The following DPP10 variants were observed in gnomAD, a reference collection of about 807,000 sequenced individuals.
The protein encoded by DPP10 is dipeptidyl peptidase like 10.
A neutral mutation model predicts 120.9 loss-of-function variants in DPP10; 33 were observed. The ratio of observed to expected loss-of-function variants is 0.27; its 90% confidence interval spans 0.21 to 0.37. DPP10 has a LOEUF of 0.37. Among genes scored for constraint, DPP10 ranks in the 10% least tolerant of loss-of-function variants. DPP10 has a pLI of 1.00. For missense variants in DPP10, 816 were observed against 942.8 expected, an observed-to-expected ratio of 0.87 and a Z score of 1.76; for synonymous variants, 337 against 326.1, an observed-to-expected ratio of 1.03 and a Z score of -0.36.
rs541521716 is a variant in DPP10 at position 115,647,207 on chromosome 2, G to A, written c.442-42480G>A. ...GTGACACAATCAAAGGAAGAAGACC[G>A]GCTCCCTTTGGGTTTAACCGCTTTA... On this transcript the variant is annotated intron_variant, in intron 5 of 25. Transcript: ENST00000410059. 3.6e-4 allele frequency among the ~76,000 whole-genome samples: 55 copies of A among 152,182 alleles called. No individual in the cohort carries two copies. The South Asian group carries it at 8.3e-3, about 23-fold the overall frequency.
chr2:114,513,277 CT>C (rs1684303349), intron 1 of DPP10, among the ~76,000 whole-genome samples: 1 of 152,090 alleles, frequency 6.6e-6, no homozygotes, highest in African/African-American at 2.4e-5. Flanking sequence ...AATCCCAGCA[CT>C]TTGGGAGGCC....
At chr2:115,279,531 T>TA (rs1345359489) in intron 1 of DPP10, among the ~76,000 whole-genome samples, 4 of 151,872 alleles carry the variant, frequency 2.6e-5, no homozygotes, top group South Asian at 2.1e-4. Context: ...TTTTCTCAAT[T>TA]AAAAAAAATC....
chr2:115,133,062 A>C (rs1276458361), intron 1 of DPP10, among the ~76,000 whole-genome samples: 1 of 148,560 alleles, frequency 6.7e-6, no homozygotes, highest in African/African-American at 2.5e-5. Context: ...GGTTATGAAG[A>C]ATCCTAAAAT....
intron 1 of DPP10, among the ~76,000 whole-genome samples, chr2:115,041,549 A>C (rs1704646165): frequency 6.6e-6 from 1 of 152,158 alleles, no homozygotes. Context: ...TACCAACTTA[A>C]GCATTTCAGC....
intron 1 of DPP10, among the ~76,000 whole-genome samples, chr2:115,286,526 A>ATATATATATATATAT (rs10675008): frequency 0.059 from 3,580 of 60,258 alleles, 464 homozygotes; most frequent in Non-Finnish European, 0.081. Context: ...ATATATATAT[A>ATATATATATATATAT]ATATATATAT....
chr2:114,644,342 C>CTG (rs370038985), intron 1 of DPP10, among the ~76,000 whole-genome samples: 2,168 of 143,274 alleles, frequency 0.015, 86 homozygotes, highest in African/African-American at 0.046. Context: ...CTGTGTGTGT[C>CTG]TGTGTGTGTG....
chr2:115,099,756 G>T (rs567163863), intron 1 of DPP10, among the ~76,000 whole-genome samples: 10 of 152,256 alleles, frequency 6.6e-5, no homozygotes, highest in African/African-American at 2.4e-4. Context: ...CCCTCAGTGT[G>T]TTATTTCCAA....
In DPP10 at chr2:115,840,732, T is replaced by C; in HGVS notation, c.2183-18T>C. 6.2e-7 allele frequency: 1 copy of C among 1,609,756 alleles called. No homozygotes were observed. Among genetic ancestry groups the C allele is most frequent in the Non-Finnish European group, 8.5e-7 (1 of 1,177,262 alleles). ...AAGCAGTGTGTTTCTTCAGATATCA[T>C]AATTTGATTTCTTGCAGCAAAAGTT... On this transcript the variant is annotated intron_variant, in intron 24 of 25. Coordinates refer to ENST00000410059, the MANE Select transcript of DPP10 (RefSeq NM_020868.6).
At chr2:114,850,082 C>G (rs542809869) in intron 1 of DPP10, among the ~76,000 whole-genome samples, 2 of 128,084 alleles carry the variant, frequency 1.6e-5, no homozygotes, top group Non-Finnish European at 3.2e-5. Flanking sequence ...GAAGCAGTTT[C>G]TCTATGTTGC....
chr2:115,276,287 C>T (rs2059919373), intron 1 of DPP10, among the ~76,000 whole-genome samples: 1 of 152,066 alleles, frequency 6.6e-6, no homozygotes, highest in South Asian at 2.1e-4. Flanking sequence ...GCTGATGAAT[C>T]CTGTCACTTG....
intron 1 of DPP10, among the ~76,000 whole-genome samples, chr2:114,452,395 T>C (rs1678336471): frequency 6.6e-6 from 1 of 152,176 alleles, no homozygotes; most frequent in Non-Finnish European, 1.5e-5. Flanking sequence ...CACACCATTT[T>C]CCAGAAGATA....
chr2:114,813,775 G>A (rs1685384422), intron 1 of DPP10, among the ~76,000 whole-genome samples: 1 of 151,722 alleles, frequency 6.6e-6, no homozygotes, highest in African/African-American at 2.4e-5. Flanking sequence ...ACCACTTTCA[G>A]TGGGATCAGG....
intron 4 of DPP10, among the ~76,000 whole-genome samples, chr2:115,504,635 A>G (rs560982643): frequency 6.6e-6 from 1 of 152,252 alleles, no homozygotes; most frequent in East Asian, 1.9e-4. Flanking sequence ...TGTAACATTG[A>G]TGTACATTCA....
chr2:115,293,712 A>AT (rs548848724), intron 1 of DPP10, among the ~76,000 whole-genome samples: 30 of 150,988 alleles, frequency 2.0e-4, no homozygotes, highest in African/African-American at 4.6e-4. Context: ...TTACGAAATG[A>AT]TTTTTTTTTA....
intron 1 of DPP10, among the ~76,000 whole-genome samples, chr2:115,156,450 TA>T (rs1559156320): frequency 6.6e-6 from 1 of 152,184 alleles, no homozygotes; most frequent in Non-Finnish European, 1.5e-5. Context: ...ACTAAATCTT[TA>T]AAAACAAATT....
intron 1 of DPP10, among the ~76,000 whole-genome samples, chr2:115,045,795 A>C (rs976741110): frequency 6.6e-6 from 1 of 152,138 alleles, no homozygotes; most frequent in Non-Finnish European, 1.5e-5. Flanking sequence ...TTGTGTGAAT[A>C]GTTGTTCACT....
intron 1 of DPP10, among the ~76,000 whole-genome samples, chr2:114,687,817 T>G (rs1019205654): frequency 6.6e-5 from 10 of 151,964 alleles, no homozygotes; most frequent in African/African-American, 2.4e-4. Flanking sequence ...TAGACTCGAG[T>G]TCAGGTACTA....
chr2:115,590,549 T>G (rs1164315261), intron 5 of DPP10, among the ~76,000 whole-genome samples: 2 of 152,244 alleles, frequency 1.3e-5, no homozygotes, highest in Non-Finnish European at 2.9e-5. Flanking sequence ...TGCCACATTT[T>G]CTTAATCCAG....
At chr2:114,724,694 G>GT (rs1701932083) in intron 1 of DPP10, among the ~76,000 whole-genome samples, 1 of 152,214 alleles carries the variant, frequency 6.6e-6, no homozygotes, top group Non-Finnish European at 1.5e-5. Context: ...CACAAAGACA[G>GT]TTTGTGTGCA....
Sources: gnomAD v4.1 joint callset for allele counts (sites outside exome capture counted in the v4.1 genomes callset) on GRCh38, gnomAD v4.1.1 for gene constraint, MANE v1.5 for transcripts, NCBI Gene and HGNC (gene_info 2026-07-23, HGNC 2026-07-21) for gene names.